The following AKR1E2 variants were observed in gnomAD, a reference collection of about 807,000 sequenced individuals.
AKR1E2 encodes the protein 1,5-anhydro-D-fructose reductase.
A neutral mutation model predicts 41.9 loss-of-function variants in AKR1E2; 43 were observed. The ratio of observed to expected loss-of-function variants is 1.03; its 90% CI spans 0.80 to 1.32. AKR1E2 has a LOEUF of 1.32. Ranked by LOEUF, AKR1E2 falls within the 40% of genes most tolerant of loss-of-function variation. The pLI is 0.00. For missense variants in AKR1E2, 423 were observed against 396.5 expected (o/e 1.07, Z -0.57); for synonymous variants, 121 against 138.9 (o/e 0.87, Z 0.91).
Position 4,837,568 on chromosome 10 carries a change from C to T in AKR1E2, c.569C>T (p.Pro190Leu). Reference sequence around the variant, plus strand: ...AATAAGCCTGGGTTGAGGTTCAAGCCACTAACCAACCAGGTAAGCCGATGG... The same window carrying T: ...AATAAGCCTGGGTTGAGGTTCAAGCTACTAACCAACCAGGTAAGCCGATGG... ...LLNKPGLRFK[P>L]LTNQIECHPY... is the part of the protein sequence containing the mutation. Residue 190 changes from proline (P) to leucine (L), a missense_variant, in exon 5 of 10, where the codon CCA becomes CTA. Pro to Leu is a moderately conservative substitution (Grantham distance 98). Transcript: ENST00000298375. 6.2e-7 allele frequency: 1 copy of T among 1,613,430 alleles called. No individual in the cohort carries two copies.
downstream of AKR1E2, among the ~76,000 whole-genome samples, chr10:4,851,650 G>T (rs1475505678): frequency 1.3e-5 from 2 of 152,242 alleles, no homozygotes; most frequent in East Asian, 1.9e-4. Flanking sequence ...TATGTTACAG[G>T]TTTTAACTGA....
chr10:4,827,645 A>C (rs920775650), intron 1 of AKR1E2, among the ~76,000 whole-genome samples: 1 of 152,240 alleles, frequency 6.6e-6, no homozygotes, highest in African/African-American at 2.4e-5. Flanking sequence ...AAAAGCTATA[A>C]GAAGTCATAT....
downstream of AKR1E2, among the ~76,000 whole-genome samples, chr10:4,849,097 A>G (rs1834475484): frequency 1.3e-5 from 2 of 152,180 alleles, no homozygotes; most frequent in African/African-American, 2.4e-5. Context: ...ACGAAAAGAC[A>G]TGACTGGTGC....
chr10:4,850,583 C>T (rs1834503014), downstream of AKR1E2, among the ~76,000 whole-genome samples: 1 of 152,192 alleles, frequency 6.6e-6, no homozygotes. Context: ...CCGGTTTCTC[C>T]ACACCCTCGC....
At chr10:4,840,327 T>C (rs1224694525) in intron 6 of AKR1E2, among the ~76,000 whole-genome samples, 1 of 152,206 alleles carries the variant, frequency 6.6e-6, no homozygotes, top group African/African-American at 2.4e-5. Flanking sequence ...CCAAAATCTA[T>C]TGATTATTCT....
In AKR1E2 at chr10:4,847,468, T is replaced by A; in HGVS notation, c.921-20T>A. On this transcript the variant is annotated intron_variant, in intron 9 of 9. Coordinates refer to ENST00000298375, the MANE Select transcript of AKR1E2 (RefSeq NM_001040177.3). ...AATCATTCTTTGTTCCTATTTTTGA[T>A]TTGTTTTTCTGTTTTTCAGAACTAA... is the stretch of plus-strand genomic sequence containing the variant. 6.2e-7 allele frequency: 1 copy of A among 1,610,230 alleles called. No homozygotes were observed. Among genetic ancestry groups the A allele is most frequent in the Non-Finnish European group, 8.5e-7 (1 of 1,177,566 alleles).
At chr10:4,834,364 C>T (rs927065579) in intron 3 of AKR1E2, among the ~76,000 whole-genome samples, 3 of 152,160 alleles carry the variant, frequency 2.0e-5, no homozygotes, top group Non-Finnish European at 4.4e-5. Context: ...TTTCCATAAA[C>T]GATGTGGGCA....
intron 3 of AKR1E2, 53 bp from the exon 4 acceptor site, chr10:4,835,622 T>TTTTTTG: frequency 9.0e-6 from 14 of 1,553,900 alleles, no homozygotes; most frequent in Admixed American, 5.6e-5. Context: ...CACATGGTTT[T>TTTTTTG]TTTTGTTTTG....
chr10:4,852,129 C>T (rs1234092957), downstream of AKR1E2, among the ~76,000 whole-genome samples: 2 of 152,150 alleles, frequency 1.3e-5, no homozygotes, highest in African/African-American at 4.8e-5. Flanking sequence ...ATTACTTCAC[C>T]TGGGAAATCA....
chr10:4,836,583 C>A (rs940219727), intron 4 of AKR1E2, among the ~76,000 whole-genome samples: 3 of 152,126 alleles, frequency 2.0e-5, no homozygotes, highest in Non-Finnish European at 4.4e-5. Context: ...GTGAAGCTCT[C>A]CAGGGAGGAG....
At chr10:4,844,023 G>A (rs778288887) in intron 8 of AKR1E2, among the ~76,000 whole-genome samples, 3 of 152,218 alleles carry the variant, frequency 2.0e-5, no homozygotes, top group South Asian at 2.1e-4. Context: ...CTGACTGACC[G>A]GCATCTGCTC....
chr10:4,868,484 A>G, the AKR1E2 span, among the ~76,000 whole-genome samples: 3 of 152,166 alleles, frequency 2.0e-5, no homozygotes, highest in Admixed American at 6.5e-5. Context: ...GGAATTTTCT[A>G]TGTAGTCAAT....
chr10:4,854,652 C>CA, the AKR1E2 span, among the ~76,000 whole-genome samples: 6 of 152,134 alleles, frequency 3.9e-5, no homozygotes, highest in African/African-American at 1.4e-4. Flanking sequence ...GGAGACCTCC[C>CA]ACCCAAAGGA....
At chr10:4,862,168 C>T in the AKR1E2 span, among the ~76,000 whole-genome samples, 1 of 152,178 alleles carries the variant, frequency 6.6e-6, no homozygotes, top group Non-Finnish European at 1.5e-5. Flanking sequence ...GTTTTCCCAG[C>T]ACCATTTGTT....
At chr10:4,854,964 G>T in the AKR1E2 span, among the ~76,000 whole-genome samples, 1 of 152,202 alleles carries the variant, frequency 6.6e-6, no homozygotes, top group Non-Finnish European at 1.5e-5. Context: ...TTTGCTGATG[G>T]CTATGGGTGA....
At position 4,834,923 on chromosome 10, in the gene AKR1E2, G is replaced by T. The variant is rs563802123; in HGVS notation, c.325-752G>T. On this transcript the variant is annotated intron_variant, in intron 3 of 9. Transcript: ENST00000298375. ...AGTATGAGTCCCGGGCTGCAATTTT[G>T]TGGAGGCTTGGATAAATGGCAACAT... Among the ~76,000 whole-genome samples the T allele has an allele frequency of 3.3e-5, 5 of 152,360 alleles. No individual in the cohort carries two copies. The East Asian group carries it at 9.6e-4, about 29-fold the overall frequency.
At chr10:4,865,303 A>C in the AKR1E2 span, among the ~76,000 whole-genome samples, 1 of 152,230 alleles carries the variant, frequency 6.6e-6, no homozygotes, top group African/African-American at 2.4e-5. Context: ...CTAGTAACTA[A>C]CAATTATTGA....
At chr10:4,872,059 T>C in the AKR1E2 span, 7 of 152,212 alleles carry the variant, frequency 4.6e-5, no homozygotes. Flanking sequence ...CAAACCCAAC[T>C]AGTTTTATGA....
intron 6 of AKR1E2, among the ~76,000 whole-genome samples, chr10:4,841,419 GCTGTGCTGTGC>G (rs1332097821): frequency 5.3e-5 from 8 of 152,236 alleles, no homozygotes; most frequent in African/African-American, 1.9e-4. Flanking sequence ...ATATCGATTC[GCTGTGCTGTGC>G]CAGGGTGTAC....
Sources: allele counts gnomAD v4.1 joint callset (sites outside exome capture counted in the v4.1 genomes callset), GRCh38; gene constraint gnomAD v4.1.1; transcripts MANE v1.5; gene names NCBI Gene and HGNC (gene_info 2026-07-23, HGNC 2026-07-21).